Variants in RTL1 observed in about 807,000 individuals in gnomAD.
The protein encoded by RTL1 is retrotransposon-like protein 1.
For synonymous variants in RTL1, 727 were observed against 748.4 expected (o/e 0.97, Z 0.47); for missense variants, 1,681 against 1,767.5 (o/e 0.95, Z 0.88).
rs761403886 is a variant in RTL1, at chr14:100,882,972, G to A, written c.1817C>T (p.Thr606Ile). Residue 606 changes from threonine to isoleucine, a missense_variant, in exon 4 of 4, where the codon ACC (threonine) becomes ATC (isoleucine). Physicochemically the swap from Thr to Ile is moderately conservative, Grantham distance 89. Transcript: ENST00000649591. ...CGCGGTGGAGGGACACTCGTAAAAG[G>A]TCTCGCTGTGATCACTGTCTCCAGC... ...QQAGDSDHSE[T>I]FYECPSTAPW... 1.2e-6 allele frequency: 2 copies of A among 1,614,102 alleles called. No homozygotes were observed. Among genetic ancestry groups the A allele is most frequent in the Middle Eastern group, 1.6e-4 (1 of 6,062 alleles).
chr14:100,882,512 G>A lies in RTL1; in HGVS notation c.2277C>T (p.His759=), dbSNP rs117811010. ...TCTTGTCCAGGGAGCAGTAGACGTT[G>A]TGATGGCGGAAGCGGACCAGGACTT... ...VRQVLVRFRH[H]NVYCSLDKSQ... The change falls in exon 4 of 4, where the codon CAC becomes CAT. Residue 759 remains histidine, a synonymous_variant. Coordinates refer to ENST00000649591, the MANE Select transcript of RTL1 (RefSeq NM_001134888.3). The A allele has an allele frequency of 1.2e-3, 1,932 of 1,551,954 alleles. 48 individuals are homozygous for A. In the East Asian group the frequency reaches 0.04, roughly 32 times the overall value.
intron 3 of RTL1, among the ~76,000 whole-genome samples, chr14:100,890,883 G>A (rs566350576): frequency 3.9e-5 from 6 of 152,292 alleles, no homozygotes; most frequent in South Asian, 2.1e-4. Context: ...GACATGCAGG[G>A]ACCCTGGGAG....
At chr14:100,897,784 G>GGGGGGGGGGT (rs1286624811) in intron 2 of RTL1, 1 of 177,448 alleles carries the variant, frequency 5.6e-6, no homozygotes, top group African/African-American at 2.5e-5. Context: ...GGGGCGGGGG[G>GGGGGGGGGGT]GGGCAGTGAA....
Position 100,882,215 on chromosome 14 carries a change from C to G in RTL1, c.2574G>C (p.Arg858Ser), listed in dbSNP as rs1303894099. 6.4e-7 allele frequency: 1 copy of G among 1,550,968 alleles called. No individual in the cohort carries two copies. Among genetic ancestry groups the G allele is most frequent in the Admixed American group, 2.0e-5 (1 of 51,004 alleles). ...EEQEAFECLK[R>S]AFRKAPLLHH... ...GGAGGAGAGGCGCCTTGCGGAAAGC[C>G]CTCTTCAGGCACTCGAAGGCCTCTT... Residue 858 changes from arginine (R) to serine (S), a missense_variant, in exon 4 of 4, where the codon AGG becomes AGC. Arg to Ser is a moderately radical substitution (Grantham distance 110). Transcript: ENST00000649591.
chr14:100,902,583 C>G (rs1334065420), intron 2 of RTL1, among the ~76,000 whole-genome samples: 2 of 152,010 alleles, frequency 1.3e-5, no homozygotes, highest in African/African-American at 2.4e-5. Flanking sequence ...GCTGGCCTCC[C>G]GGCCAGCCCT....
At chr14:100,891,462 T>TG (rs1015465682) in intron 3 of RTL1, among the ~76,000 whole-genome samples, 1 of 152,114 alleles carries the variant, frequency 6.6e-6, no homozygotes, top group Non-Finnish European at 1.5e-5. Context: ...CCCAGCAGGG[T>TG]GGGGGTCTTC....
In RTL1 at chr14:100,882,392, C is replaced by T. The variant is rs1187317790; in HGVS notation, c.2397G>A (p.Gly799=). 6.4e-7 allele frequency: 1 copy of T among 1,551,836 alleles called. No homozygotes were observed. The highest frequency in any genetic ancestry group is 1.4e-5 in the African/African-American group (1 of 73,138). Residue 799 remains glycine (G), a synonymous_variant, in exon 4 of 4, where the codon GGG becomes GGA. Coordinates refer to ENST00000649591, the MANE Select transcript of RTL1 (RefSeq NM_001134888.3). ...LNKNVMTIIT[G]YPTPGSKLSL... is the part of the protein sequence containing the mutation. ...ATAGCTTGGAGCCAGGGGTAGGGTA[C>T]CCTGTTATGATGGTCATGACGTTCT...
intron 2 of RTL1, chr14:100,899,150 C>CA (rs2038908289): frequency 6.6e-6 from 1 of 152,384 alleles, no homozygotes; most frequent in African/African-American, 2.4e-5. Flanking sequence ...GGCACCCCCC[C>CA]ACTGCCCCAG....
intron 2 of RTL1, among the ~76,000 whole-genome samples, chr14:100,901,081 G>A (rs1006229933): frequency 2.6e-5 from 4 of 152,308 alleles, no homozygotes; most frequent in African/African-American, 7.2e-5. Context: ...ACGGCGGGTC[G>A]GAGCAGCTGT....
chr14:100,887,781 T>C (rs1049662419), intron 3 of RTL1, among the ~76,000 whole-genome samples: 1 of 151,976 alleles, frequency 6.6e-6, no homozygotes, highest in Admixed American at 6.6e-5. Flanking sequence ...ATGGCTGAAG[T>C]CCAAATTCCT....
At chr14:100,888,143 T>A (rs1051407008) in intron 3 of RTL1, among the ~76,000 whole-genome samples, 1 of 152,212 alleles carries the variant, frequency 6.6e-6, no homozygotes, top group Non-Finnish European at 1.5e-5. Context: ...AACAATGAGC[T>A]CAATGAGCTC....
chr14:100,882,677 C>A lies in RTL1; in HGVS notation c.2112G>T (p.Ala704=). 3 of 1,551,974 alleles carry A rather than the reference C, an allele frequency of 1.9e-6. No homozygotes were observed. Among genetic ancestry groups the A allele is most frequent in the Non-Finnish European group, 2.6e-6 (3 of 1,147,086 alleles). ...LEEMKSYQPF[A]LSPDPIIPQN... is the part of the protein sequence containing the mutation. ...GAGGTATGATAGGGTCTGGGGAGAG[C>A]GCAAACGGCTGGTAGCTCTTCATCT... The change falls in exon 4 of 4, where the codon GCG becomes GCT. Residue 704 remains alanine, a synonymous_variant. Coordinates refer to ENST00000649591, the MANE Select transcript of RTL1 (RefSeq NM_001134888.3).
chr14:100,894,336 A>C (rs975133776), intron 2 of RTL1, among the ~76,000 whole-genome samples: 4 of 144,542 alleles, frequency 2.8e-5, no homozygotes, highest in African/African-American at 1.2e-4. Flanking sequence ...AGAAAAAAAA[A>C]GAAAAGAAAA....
rs2140050194 is a variant in RTL1, at chr14:100,893,518, T to C, written c.-148-13A>G. ...TCCTCGCTGCTTGCTAAAAAGTTAT[T>C]GAATACATTTGTTTCTTTAATTGTG... On this transcript the variant is annotated splice_polypyrimidine_tract_variant and intron_variant, in intron 2 of 3. Transcript: ENST00000649591. The surrounding 1 kb of genome is among the most constrained non-coding windows in gnomAD (Gnocchi z 4.2). Among the ~76,000 whole-genome samples, 1 of 152,322 alleles carries C rather than the reference T, an allele frequency of 6.6e-6. No homozygotes were observed. The highest frequency in any genetic ancestry group is 1.5e-5 in the Non-Finnish European group (1 of 68,036).
chr14:100,895,934 G>A (rs1028262795), intron 2 of RTL1, among the ~76,000 whole-genome samples: 11 of 152,138 alleles, frequency 7.2e-5, no homozygotes, highest in African/African-American at 2.4e-4. Flanking sequence ...TTAGCTGGGC[G>A]TGGTGGTGCA....
Position 100,883,557 on chromosome 14 carries a change from A to T in RTL1, c.1232T>A (p.Leu411Gln), listed in dbSNP as rs2038652298. 1 of 1,551,526 alleles carries T rather than the reference A, an allele frequency of 6.4e-7. No individual in the cohort carries two copies. The highest frequency in any genetic ancestry group is 8.7e-7 in the Non-Finnish European group (1 of 1,146,986). ...GGGGTTCACTCTCACCATGAGCAGCAGGAAGAGGTGGGCGCGATTGATGTC... is the reference window on the plus strand; with the variant it reads ...GGGGTTCACTCTCACCATGAGCAGCTGGAAGAGGTGGGCGCGATTGATGTC... Reference protein sequence around the residue: ...HPDINRAHLFLLLMVRVNPYH... With the variant: ...HPDINRAHLFQLLMVRVNPYH... The change falls in exon 4 of 4, where the codon CTG (leucine) becomes CAG (glutamine). Residue 411 changes from leucine (L) to glutamine (Q), a missense_variant. By Grantham distance (113) the Leu-to-Gln change is moderately radical (BLOSUM62 -2). Coordinates refer to ENST00000649591, the MANE Select transcript of RTL1 (RefSeq NM_001134888.3). The surrounding 1 kb of genome is among the most constrained non-coding windows in gnomAD (Gnocchi z 5.9).
In RTL1 at chr14:100,893,786, T is replaced by C. The variant is rs554275917; in HGVS notation, c.-148-281A>G. 1.1e-4 allele frequency among the ~76,000 whole-genome samples: 16 copies of C among 152,244 alleles called. No homozygotes were observed. Among genetic ancestry groups the C allele is most frequent in the African/African-American group, 3.9e-4 (16 of 41,526 alleles). ...AGCTGCGAGGGCCTTCCTTTTATTATCCCCATTTTTCAGAAGAGGAATCCG... is the reference window on the plus strand; with the variant it reads ...AGCTGCGAGGGCCTTCCTTTTATTACCCCCATTTTTCAGAAGAGGAATCCG... On this transcript the variant is annotated intron_variant, in intron 2 of 3. Coordinates refer to ENST00000649591, the MANE Select transcript of RTL1 (RefSeq NM_001134888.3). This position sits in a 1 kb window ranked among gnomAD's most constrained non-coding sequence, Gnocchi z 4.2.
rs749606790 is a variant in RTL1 at position 100,884,824 on chromosome 14, G to A, written c.-36C>T. The stretch of plus-strand genomic sequence containing the variant: ...GGAAAGGAGTGTATTCTGAAGATTG[G>A]TAAGGTTGTGATGGCGTCCAGTCAG... On this transcript the variant is annotated 5_prime_UTR_variant, in exon 4 of 4. Coordinates refer to ENST00000649591, the MANE Select transcript of RTL1 (RefSeq NM_001134888.3). 21 of 1,522,316 alleles carry A rather than the reference G, an allele frequency of 1.4e-5. No individual in the cohort carries two copies. In the African/African-American group the frequency reaches 2.4e-4, roughly 17 times the overall value. The allele number at this position is 1,522,316 out of a possible 1,614,324, so 94.3% of individuals were successfully genotyped here. A position where few individuals can be genotyped will look rare whatever the true frequency, so the allele number is the denominator to read the frequency against.
chr14:100,880,082 C>T lies in RTL1; in HGVS notation c.*630G>A, dbSNP rs2038584783. Among the ~76,000 whole-genome samples the T allele has an allele frequency of 7.5e-6, 1 of 133,886 alleles. No individual in the cohort carries two copies. Among genetic ancestry groups the T allele is most frequent in the South Asian group, 2.3e-4 (1 of 4,382 alleles). The allele number at this position is 133,886 out of a possible 152,430, so 87.8% of individuals were successfully genotyped here. On this transcript the variant is annotated 3_prime_UTR_variant, in exon 4 of 4. Coordinates refer to ENST00000649591, the MANE Select transcript of RTL1 (RefSeq NM_001134888.3). ...GCTTTGTCCAGGTAAGTCCAGAGCT[C>T]AGGGCAAGAGGAAGGCGGGGTCAAA...
Sources: allele counts gnomAD v4.1 joint callset (sites outside exome capture counted in the v4.1 genomes callset), GRCh38; gene constraint gnomAD v4.1.1; non-coding constraint Gnocchi (gnomAD v3.1); transcripts MANE v1.5; gene names NCBI Gene and HGNC (gene_info 2026-07-23, HGNC 2026-07-21).